MAGI3: variants seen among roughly 807,000 people sequenced by gnomAD.
MAGI3 encodes membrane-associated guanylate kinase, WW and PDZ domain-containing protein 3.
A neutral mutation model predicts 121.8 loss-of-function variants in MAGI3; 43 were observed. That is an observed-to-expected ratio of 0.35 (90% CI 0.28 to 0.46). The LOEUF is 0.46. MAGI3 is among the 20% of genes least tolerant of loss of function. The pLI is 1.00. For synonymous variants in MAGI3, 553 were observed against 639.3 expected (o/e 0.86, Z 2.04); for missense variants, 1,547 against 1,797.3 (o/e 0.86, Z 2.52).
rs553437336 is a variant in MAGI3 at position 113,680,747 on chromosome 1, A to T, written c.3190-451A>T. Among the ~76,000 whole-genome samples the T allele has an allele frequency of 8.5e-4, 129 of 152,140 alleles. 5 individuals are homozygous for T. In the South Asian group the frequency reaches 0.025, roughly 30 times the overall value. On this transcript the variant is annotated intron_variant, in intron 19 of 20. Transcript: ENST00000307546. ...ACTCCAGCCTGGGCGACAGAGCAAGACTCCGTCTCAAAAAGCAAAACAAAA... is the reference window on the plus strand; with the variant it reads ...ACTCCAGCCTGGGCGACAGAGCAAGTCTCCGTCTCAAAAAGCAAAACAAAA...
chr1:113,645,698 G>A (rs1652794961), intron 11 of MAGI3, among the ~76,000 whole-genome samples: 2 of 152,104 alleles, frequency 1.3e-5, no homozygotes, highest in African/African-American at 4.8e-5. Flanking sequence ...ACAGACTGGT[G>A]CCCCTGCATT....
At chr1:113,549,289 C>A (rs1659666681) in intron 1 of MAGI3, among the ~76,000 whole-genome samples, 1 of 152,166 alleles carries the variant, frequency 6.6e-6, no homozygotes, top group Non-Finnish European at 1.5e-5. Flanking sequence ...CCTTCTCCCT[C>A]CCTTACCATG....
chr1:113,594,661 A>C, intron 6 of MAGI3, 101 bp downstream of exon 6: 1 of 886,064 alleles, frequency 1.1e-6, no homozygotes, highest in Non-Finnish European at 1.7e-6. Context: ...ACAAACCATA[A>C]TGTACACAAG....
intron 16 of MAGI3, among the ~76,000 whole-genome samples, chr1:113,666,159 G>C (rs1199192383): frequency 1.3e-5 from 2 of 152,134 alleles, no homozygotes; most frequent in African/African-American, 2.4e-5. Context: ...GACTGATTTG[G>C]GTGGTAGTTA....
At chr1:113,421,031 A>G (rs1652709020) in intron 1 of MAGI3, among the ~76,000 whole-genome samples, 1 of 152,126 alleles carries the variant, frequency 6.6e-6, no homozygotes, top group Admixed American at 6.5e-5. Context: ...GAGAGGGCTA[A>G]CTGTATTTTT....
At chr1:113,412,074 C>A (rs554599571) in intron 1 of MAGI3, among the ~76,000 whole-genome samples, 1 of 140,484 alleles carries the variant, frequency 7.1e-6, no homozygotes, top group African/African-American at 2.6e-5. Context: ...GCCCTGTATC[C>A]AAGTGATCTC....
chr1:113,428,351 A>G (rs910362719), intron 1 of MAGI3, among the ~76,000 whole-genome samples: 1 of 152,062 alleles, frequency 6.6e-6, no homozygotes, highest in Non-Finnish European at 1.5e-5. Context: ...TTTTCCCCAT[A>G]TGGATTTTTA....
chr1:113,422,876 C>A lies in MAGI3; in HGVS notation c.316+31527C>A, dbSNP rs192928113. 3.7e-3 allele frequency among the ~76,000 whole-genome samples: 564 copies of A among 152,310 alleles called. 3 individuals carry two copies. The highest frequency in any genetic ancestry group is 0.01 in the Middle Eastern group (3 of 294). On this transcript the variant is annotated intron_variant, in intron 1 of 20. Transcript: ENST00000307546. This position sits in a 1 kb window ranked among gnomAD's most constrained non-coding sequence, Gnocchi z 4.3. ...GCTGATCCGGCCCCACCGCTACTTC[C>A]CATTGCATGTGTGGCTGCCTGGTGC...
At chr1:113,563,234 T>C (rs1398721202) in intron 2 of MAGI3, among the ~76,000 whole-genome samples, 1 of 152,112 alleles carries the variant, frequency 6.6e-6, no homozygotes, top group Non-Finnish European at 1.5e-5. Context: ...TGCAGAAAAG[T>C]TATTTGGCAA....
chr1:113,600,110 A>G (rs1044898464), intron 6 of MAGI3, among the ~76,000 whole-genome samples: 5 of 152,208 alleles, frequency 3.3e-5, no homozygotes, highest in Non-Finnish European at 5.9e-5. Flanking sequence ...CCCACAACCA[A>G]TATCATACTG....
chr1:113,674,837 A>G (rs1471336411), intron 19 of MAGI3, among the ~76,000 whole-genome samples: 1 of 152,236 alleles, frequency 6.6e-6, no homozygotes, highest in East Asian at 1.9e-4. Flanking sequence ...GACCAGACAC[A>G]TGCACAAGTT....
Position 113,391,043 on chromosome 1 carries a change from A to G in MAGI3, c.10A>G (p.Thr4Ala). The change falls in exon 1 of 21, where the codon ACG (threonine) becomes GCG (alanine). Residue 4 changes from threonine to alanine, a missense_variant. Transcript: ENST00000307546. This position sits in a 1 kb window ranked among gnomAD's most constrained non-coding sequence, Gnocchi z 4.4. MSK[T>A]LKKKKHWLSK... ...TGCAGCGGGGTTCGGGATGTCGAAGACGCTGAAGAAGAAGAAGCACTGGCT... is the reference window on the plus strand; with the variant it reads ...TGCAGCGGGGTTCGGGATGTCGAAGGCGCTGAAGAAGAAGAAGCACTGGCT... 1 of 1,586,070 alleles carries G rather than the reference A, an allele frequency of 6.3e-7. No individual in the cohort carries two copies. The highest frequency in any genetic ancestry group is 8.6e-7 in the Non-Finnish European group (1 of 1,167,550).
At chr1:113,547,673 A>G (rs1342291675) in intron 1 of MAGI3, among the ~76,000 whole-genome samples, 3 of 152,252 alleles carry the variant, frequency 2.0e-5, no homozygotes, top group African/African-American at 7.2e-5. Flanking sequence ...GAGACTATAC[A>G]GTATTGATTA....
intron 6 of MAGI3, among the ~76,000 whole-genome samples, chr1:113,613,443 G>A (rs1650278343): frequency 6.6e-6 from 1 of 152,250 alleles, no homozygotes; most frequent in East Asian, 1.9e-4. Context: ...TCTGAATGCA[G>A]AATAATAATT....
chr1:113,391,306 C>G lies in MAGI3; in HGVS notation c.273C>G (p.Ile91Met), dbSNP rs1258698563. 1 of 1,596,782 alleles carries G rather than the reference C, an allele frequency of 6.3e-7. No individual in the cohort carries two copies. Among genetic ancestry groups the G allele is most frequent in the Non-Finnish European group, 8.5e-7 (1 of 1,172,794 alleles). The stretch of plus-strand genomic sequence containing the variant: ...CCAACCGGGACACCCTGGCTGTCAT[C>G]CGCCACTTCCGCGAGCCCATCCGTC... The part of the protein sequence containing the change: ...GLTNRDTLAV[I>M]RHFREPIRLK... Residue 91 changes from isoleucine to methionine, a missense_variant, in exon 1 of 21, where the codon ATC becomes ATG. Coordinates refer to ENST00000307546, the MANE Select transcript of MAGI3 (RefSeq NM_001142782.2). The surrounding 1 kb of genome is among the most constrained non-coding windows in gnomAD (Gnocchi z 4.4).
chr1:113,437,806 TTTCTTCTTCTTC>T (rs759591213), intron 1 of MAGI3, among the ~76,000 whole-genome samples: 18 of 119,584 alleles, frequency 1.5e-4, no homozygotes, highest in African/African-American at 4.7e-4. Context: ...TCTTTCTTCT[TTTCTTCTTCTTC>T]TTCTTCTTCT....
chr1:113,410,781 GGTTAT>G (rs1371945200), intron 1 of MAGI3, among the ~76,000 whole-genome samples: 3 of 152,060 alleles, frequency 2.0e-5, no homozygotes, highest in African/African-American at 7.2e-5. Context: ...TGATATCCCA[GGTTAT>G]GTTAACCCTG....
In MAGI3 at chr1:113,508,825, A is replaced by AT. The variant is rs745592798; in HGVS notation, c.317-40683dup. ...CTGCTCTCTGCTGAGAAATTGATTG[A>AT]TTTTTTTAAAAAAAAAACTTCAGGA... On this transcript the variant is annotated intron_variant, in intron 1 of 20. Transcript: ENST00000307546. Among the ~76,000 whole-genome samples, 995 of 151,648 alleles carry AT rather than the reference A, an allele frequency of 6.6e-3. 7 individuals carry two copies. Among genetic ancestry groups the AT allele is most frequent in the Non-Finnish European group, 0.011 (721 of 67,854 alleles).
chr1:113,619,270 T>C (rs1301229661), intron 7 of MAGI3, among the ~76,000 whole-genome samples: 1 of 152,182 alleles, frequency 6.6e-6, no homozygotes, highest in Non-Finnish European at 1.5e-5. Flanking sequence ...CGGATATAGG[T>C]GAGTCAGTGG....
Sources: allele counts gnomAD v4.1 joint callset (sites outside exome capture counted in the v4.1 genomes callset), GRCh38; gene constraint gnomAD v4.1.1; non-coding constraint Gnocchi (gnomAD v3.1); transcripts MANE v1.5; gene names NCBI Gene and HGNC (gene_info 2026-07-23, HGNC 2026-07-21).